Variants in ATXN7 observed in about 807,000 individuals in gnomAD.
The protein encoded by ATXN7 is ataxin 7.
In ATXN7, 12 loss-of-function variants were observed where a neutral mutation model predicts 70.5. The observed-to-expected ratio is 0.17, with a 90% CI of 0.11 to 0.28. The LOEUF (loss-of-function observed/expected upper bound fraction) is 0.28, where lower values mean the gene tolerates loss of function less well. ATXN7 is among the 10% of genes least tolerant of loss of function. The probability of loss-of-function intolerance (pLI) is 1.00; values close to 1 mark genes in which losing one functional copy is unlikely to be tolerated. For synonymous variants in ATXN7, 498 were observed against 448.7 expected (o/e 1.11, Z -1.39); for missense variants, 1,256 against 1,131.7 (o/e 1.11, Z -1.58).
intron 5 of ATXN7, among the ~76,000 whole-genome samples, chr3:63,971,830 G>C (rs2075316787): frequency 2.0e-5 from 3 of 152,164 alleles, no homozygotes; most frequent in African/African-American, 7.2e-5. Context: ...TTTGGAAAAG[G>C]ATCCAAAATA....
intron 1 of ATXN7, among the ~76,000 whole-genome samples, chr3:63,875,283 G>A (rs940674931): frequency 4.6e-5 from 7 of 152,026 alleles, no homozygotes; most frequent in African/African-American, 2.4e-5. Flanking sequence ...GAATAGACAG[G>A]GTCTTGCTAT....
At chr3:63,997,104 G>A (rs529179141) in intron 12 of ATXN7, among the ~76,000 whole-genome samples, 151 of 152,154 alleles carry the variant, frequency 9.9e-4, no homozygotes, top group African/African-American at 3.5e-3. Context: ...CTAAAAATAC[G>A]AAAATTAGCT....
chr3:63,912,889 G>A lies in ATXN7; in HGVS notation c.291G>A (p.Leu97=). The change falls in exon 3 of 13, where the codon CTG becomes CTA. Residue 97 remains leucine (L), a synonymous_variant. Transcript: ENST00000674280. ...TGATGCTGGGACAGTCGTGGAATCTGTGGGTTGAGGCTTCCAAACTTCCTG... is the reference window on the plus strand; with the variant it reads ...TGATGCTGGGACAGTCGTGGAATCTATGGGTTGAGGCTTCCAAACTTCCTG... The part of the protein sequence containing the change: ...PEVMLGQSWN[L]WVEASKLPGK... The A allele has an allele frequency of 1.2e-6, 2 of 1,613,508 alleles. No individual in the cohort carries two copies. The highest frequency in any genetic ancestry group is 1.7e-6 in the Non-Finnish European group (2 of 1,179,784).
intron 2 of ATXN7, among the ~76,000 whole-genome samples, chr3:63,907,509 G>C (rs1035117674): frequency 6.8e-6 from 1 of 147,644 alleles, no homozygotes; most frequent in Non-Finnish European, 1.5e-5. Context: ...ATCCAGGCTG[G>C]AGTACAGTGG....
chr3:63,901,093 TCC>T (rs1703624844), intron 2 of ATXN7: 1 of 152,232 alleles, frequency 6.6e-6, no homozygotes, highest in Non-Finnish European at 1.5e-5. Context: ...AGGACAAATA[TCC>T]CTGCCATTGA....
intron 2 of ATXN7, chr3:63,911,952 C>T (rs1456480829): frequency 6.6e-6 from 1 of 152,488 alleles, no homozygotes; most frequent in Non-Finnish European, 1.5e-5. Flanking sequence ...GGCCGGCCGG[C>T]TCCTCCATAG....
At chr3:63,887,860 G>A (rs554988858) in intron 1 of ATXN7, among the ~76,000 whole-genome samples, 4 of 149,778 alleles carry the variant, frequency 2.7e-5, no homozygotes, top group Admixed American at 1.3e-4. Flanking sequence ...GATGTGTATC[G>A]CTGTCCTCAG....
At chr3:63,938,218 A>C (rs2074697451) in intron 4 of ATXN7, among the ~76,000 whole-genome samples, 2 of 152,210 alleles carry the variant, frequency 1.3e-5, no homozygotes, top group African/African-American at 2.4e-5. Context: ...GAAACTGCAA[A>C]GTCTGAAGAA....
chr3:63,940,285 T>TCACACA lies in ATXN7; in HGVS notation c.395-12057_395-12052dup, dbSNP rs34660611. Among the ~76,000 whole-genome samples, 509 of 141,508 alleles carry TCACACA rather than the reference T, an allele frequency of 3.6e-3. 2 individuals are homozygous for TCACACA. The highest frequency in any genetic ancestry group is 7.9e-3 in the African/African-American group (298 of 37,832). The allele number at this position is 141,508 out of a possible 152,430, so 92.8% of individuals were successfully genotyped here. On this transcript the variant is annotated intron_variant, in intron 4 of 12. Coordinates refer to ENST00000674280, the MANE Select transcript of ATXN7 (RefSeq NM_001377405.1). ...GCTGGAGCATTGAGGCCATGCCCCA[T>TCACACA]CACACACACACACACACACACACAC...
chr3:63,934,297 G>C (rs1184204630), intron 4 of ATXN7, among the ~76,000 whole-genome samples: 1 of 152,122 alleles, frequency 6.6e-6, no homozygotes, highest in Non-Finnish European at 1.5e-5. Flanking sequence ...ACAGTGTCCT[G>C]ATGATTTGCC....
chr3:63,891,748 ATC>A (rs748557468), intron 1 of ATXN7, among the ~76,000 whole-genome samples: 3 of 152,218 alleles, frequency 2.0e-5, no homozygotes, highest in Non-Finnish European at 2.9e-5. Flanking sequence ...ACTATTGGCG[ATC>A]TCTATCACAA....
intron 1 of ATXN7, chr3:63,867,001 T>C (rs1446418009): frequency 2.0e-5 from 3 of 151,176 alleles, no homozygotes; most frequent in Non-Finnish European, 4.4e-5. Context: ...GTTAAGAAAA[T>C]TTGTGTGTTT....
chr3:63,965,993 C>T (rs1165063266), intron 5 of ATXN7, among the ~76,000 whole-genome samples: 1 of 152,128 alleles, frequency 6.6e-6, no homozygotes, highest in East Asian at 1.9e-4. Flanking sequence ...TTGTTTGTAG[C>T]ATTTAAGAAC....
rs2075460783 is a variant in ATXN7, at chr3:63,980,114, G to A, written c.699G>A (p.Gly233=). ...CCAAAGAGAAACTGCAGCTCAGGGG[G>A]AACACCAGGCCAATGCATCCCATTC... ...KSPKEKLQLR[G]NTRPMHPIQQ... is the part of the protein sequence containing the mutation. Residue 233 remains glycine (G), a synonymous_variant, in exon 6 of 13, where the codon GGG becomes GGA. Transcript: ENST00000674280. 1.2e-6 allele frequency: 2 copies of A among 1,614,028 alleles called. No individual in the cohort carries two copies. The highest frequency in any genetic ancestry group is 1.7e-6 in the Non-Finnish European group (2 of 1,180,028).
intron 4 of ATXN7, among the ~76,000 whole-genome samples, chr3:63,934,054 A>T (rs898659250): frequency 1.3e-5 from 2 of 152,128 alleles, no homozygotes; most frequent in African/African-American, 4.8e-5. Flanking sequence ...ACTTATGTTC[A>T]TCATTGTTTT....
At chr3:63,978,114 G>A (rs1291945508) in intron 5 of ATXN7, among the ~76,000 whole-genome samples, 1 of 152,116 alleles carries the variant, frequency 6.6e-6, no homozygotes, top group Non-Finnish European at 1.5e-5. Flanking sequence ...TCTCAACCGT[G>A]GCTGCACAGT....
At chr3:63,891,111 G>A (rs1395174601) in intron 1 of ATXN7, among the ~76,000 whole-genome samples, 5 of 152,118 alleles carry the variant, frequency 3.3e-5, no homozygotes, top group Non-Finnish European at 7.3e-5. Context: ...CCGGGTTCAA[G>A]TGATTCTTGT....
intron 5 of ATXN7, among the ~76,000 whole-genome samples, chr3:63,960,601 C>T (rs1442550019): frequency 1.3e-5 from 2 of 152,092 alleles, no homozygotes; most frequent in Non-Finnish European, 2.9e-5. Flanking sequence ...ATAAAGCCAG[C>T]AGGGCTTGCT....
At chr3:63,929,847 T>C (rs1404746145) in intron 4 of ATXN7, among the ~76,000 whole-genome samples, 6 of 152,230 alleles carry the variant, frequency 3.9e-5, no homozygotes, top group Admixed American at 1.3e-4. Context: ...GATGGGAGTT[T>C]GCTCAAAGAC....
Sources: gnomAD v4.1 joint callset for allele counts (sites outside exome capture counted in the v4.1 genomes callset) on GRCh38, gnomAD v4.1.1 for gene constraint, MANE v1.5 for transcripts, NCBI Gene and HGNC (gene_info 2026-07-23, HGNC 2026-07-21) for gene names.